Variants in TRIM34 observed in about 807,000 individuals in gnomAD.
TRIM34 encodes E3 ubiquitin-protein ligase TRIM34.
A neutral mutation model predicts 38.1 loss-of-function variants in TRIM34; 41 were observed. The observed-to-expected ratio is 1.08, with a 90% CI of 0.84 to 1.40. TRIM34 has a LOEUF of 1.40. Ranked by LOEUF, TRIM34 falls within the 40% of genes most tolerant of loss-of-function variation. TRIM34 has a pLI of 0.00. For missense variants in TRIM34, 556 were observed against 571.4 expected, an observed-to-expected ratio of 0.97 and a Z score of 0.27; for synonymous variants, 200 against 202.5, an observed-to-expected ratio of 0.99 and a Z score of 0.10.
At chr11:5,628,584 C>T (rs1362054557) in intron 1 of TRIM34, among the ~76,000 whole-genome samples, 1 of 152,162 alleles carries the variant, frequency 6.6e-6, no homozygotes, top group African/African-American at 2.4e-5. Context: ...AGGTTTATCT[C>T]CATACAGCTT....
intron 4 of TRIM34, among the ~76,000 whole-genome samples, chr11:5,640,796 G>A (rs912363597): frequency 1.3e-5 from 2 of 152,132 alleles, no homozygotes; most frequent in Non-Finnish European, 2.9e-5. Flanking sequence ...TCTGTAGGAA[G>A]TCTTTGAATT....
Position 5,643,814 on chromosome 11 carries a change from G to A in TRIM34, c.*105G>A. ...GCTTCCTTGTGGTTTCCCTTCTTTA[G>A]AACTTTTACTCATCCTTGAGATGTA... is the stretch of plus-strand genomic sequence containing the variant. On this transcript the variant is annotated 3_prime_UTR_variant, in exon 8 of 8. Transcript: ENST00000429814. The A allele has an allele frequency of 1.4e-6, 2 of 1,419,824 alleles. No homozygotes were observed. The highest frequency in any genetic ancestry group is 2.3e-5 in the East Asian group (1 of 43,470). 88.0% of individuals were successfully genotyped at this position (1,419,824 alleles called of 1,614,324 possible).
chr11:5,632,983 C>T (rs1432599362), intron 2 of TRIM34, among the ~76,000 whole-genome samples: 72 of 133,098 alleles, frequency 5.4e-4, no homozygotes, highest in Middle Eastern at 3.7e-3. Context: ...CCTGCCACCG[C>T]GCCTGGCTAA....
chr11:5,634,006 A>T, intron 3 of TRIM34, 107 bp downstream of exon 3: 1 of 1,170,188 alleles, frequency 8.5e-7, no homozygotes. Context: ...TCCTGAAGCC[A>T]TTTGATTAGT....
intron 6 of TRIM34, 140 bp downstream of exon 6, chr11:5,642,646 G>C: frequency 7.2e-7 from 1 of 1,385,574 alleles, no homozygotes; most frequent in Non-Finnish European, 9.7e-7. Flanking sequence ...TGGTGAAGAG[G>C]ATGCATTTAT....
rs1850103263 is a variant in TRIM34, at chr11:5,643,289, T to C, written c.1047T>C (p.His349=). 1.2e-6 allele frequency: 2 copies of C among 1,614,106 alleles called. No individual in the cohort carries two copies. Among genetic ancestry groups the C allele is most frequent in the Non-Finnish European group, 8.5e-7 (1 of 1,180,018 alleles). Residue 349 remains histidine (H), a synonymous_variant, in exon 8 of 8, where the codon CAT becomes CAC. Transcript: ENST00000429814. ...CCCAATATTTCTCCTCTGGGAAACA[T>C]TACTGGGAAGTGGACGTGTCCAAGA... The part of the protein sequence containing the change: ...LGSQYFSSGK[H]YWEVDVSKKT...
rs766346803 is a variant in TRIM34, at chr11:5,633,791, T to G, written c.424-13T>G. On this transcript the variant is annotated splice_polypyrimidine_tract_variant and intron_variant, in intron 2 of 7. Coordinates refer to ENST00000429814, the MANE Select transcript of TRIM34 (RefSeq NM_021616.6). Reference sequence around the variant, plus strand: ...GCTTATAGCTTGACTGTAGTGTGATTCCCTTCTCATAGGAGAAACTCCAGG... The same window carrying G: ...GCTTATAGCTTGACTGTAGTGTGATGCCCTTCTCATAGGAGAAACTCCAGG... 6.2e-7 allele frequency: 1 copy of G among 1,612,112 alleles called. No homozygotes were observed. The highest frequency in any genetic ancestry group is 2.2e-5 in the East Asian group (1 of 44,832).
At chr11:5,642,553 T>C (rs1489457460) in intron 6 of TRIM34, 47 bp downstream of exon 6, 1 of 1,602,190 alleles carries the variant, frequency 6.2e-7, no homozygotes, top group South Asian at 1.1e-5. Context: ...TGTTGTGGTG[T>C]CAGGTAATAA....
chr11:5,633,977 T>A (rs1849604042), intron 3 of TRIM34, 78 bp downstream of exon 3: 1 of 1,468,470 alleles, frequency 6.8e-7, no homozygotes, highest in Non-Finnish European at 9.3e-7. Flanking sequence ...GTCCTTTTTA[T>A]TCCTTGACAT....
upstream of TRIM34, chr11:5,620,064 C>T (rs956715176): frequency 6.7e-6 from 1 of 150,082 alleles, no homozygotes; most frequent in Non-Finnish European, 1.5e-5. Context: ...TTACCTGTCT[C>T]TACATTTTGG....
At chr11:5,622,855 GC>G (rs1473727327), upstream of TRIM34, among the ~76,000 whole-genome samples, 1 of 152,226 alleles carries the variant, frequency 6.6e-6, no homozygotes, top group East Asian at 1.9e-4. Context: ...ACCCATGACA[GC>G]CTCAGGAGGT....
At chr11:5,633,921 T>C (rs1445208898) in intron 3 of TRIM34, 22 bp downstream of exon 3, 7 of 1,611,538 alleles carry the variant, frequency 4.3e-6, no homozygotes, top group South Asian at 1.1e-5. Flanking sequence ...TTCTGAAGGT[T>C]TTCTGAGACA....
chr11:5,638,215 A>AT (rs1849831846), intron 4 of TRIM34, among the ~76,000 whole-genome samples: 1 of 152,222 alleles, frequency 6.6e-6, no homozygotes, highest in Admixed American at 6.5e-5. Context: ...AGAAAATAAT[A>AT]TCAGTGAAGA....
chr11:5,641,893 A>T (rs1251702455), intron 5 of TRIM34, among the ~76,000 whole-genome samples: 1 of 152,090 alleles, frequency 6.6e-6, no homozygotes, highest in Non-Finnish European at 1.5e-5. Context: ...AGGAATCTGA[A>T]ATCTCAAATA....
chr11:5,627,727 T>A (rs1849307717), intron 1 of TRIM34, among the ~76,000 whole-genome samples: 1 of 152,194 alleles, frequency 6.6e-6, no homozygotes, highest in Admixed American at 6.5e-5. Context: ...GATGCTACAA[T>A]GTTTCTGAGC....
At chr11:5,628,244 C>T (rs1487161776) in intron 1 of TRIM34, among the ~76,000 whole-genome samples, 4 of 152,246 alleles carry the variant, frequency 2.6e-5, no homozygotes, top group African/African-American at 4.8e-5. Context: ...ACTACTTCCT[C>T]TCCTGGAGCC....
chr11:5,626,271 G>A (rs923141273), intron 1 of TRIM34, among the ~76,000 whole-genome samples: 11 of 152,116 alleles, frequency 7.2e-5, no homozygotes, highest in African/African-American at 2.2e-4. Flanking sequence ...TGAAATATAC[G>A]TGGAAGCCTA....
intron 5 of TRIM34, 35 bp from the exon 6 acceptor site, chr11:5,642,371 A>G: frequency 6.3e-7 from 1 of 1,583,120 alleles, no homozygotes; most frequent in Non-Finnish European, 8.6e-7. Context: ...ACAGGATGAG[A>G]GATGTGGGGG....
At position 5,642,512 on chromosome 11, in the gene TRIM34, G is replaced by T. The variant is rs760464956; in HGVS notation, c.874+6G>T. ...GATGCTGCAAATGTTTAGAGGTGAG[G>T]AGAAGCAGACAAAGACTGTGGATGT... On this transcript the variant is annotated splice_donor_region_variant and intron_variant, in intron 6 of 7. Coordinates refer to ENST00000429814, the MANE Select transcript of TRIM34 (RefSeq NM_021616.6). 6.2e-7 allele frequency: 1 copy of T among 1,613,196 alleles called. No individual in the cohort carries two copies. The highest frequency in any genetic ancestry group is 8.5e-7 in the Non-Finnish European group (1 of 1,179,562).
Sources: allele counts gnomAD v4.1 joint callset (sites outside exome capture counted in the v4.1 genomes callset), GRCh38; gene constraint gnomAD v4.1.1; transcripts MANE v1.5; gene names NCBI Gene and HGNC (gene_info 2026-07-23, HGNC 2026-07-21).